Variants in KLKB1 observed in about 807,000 individuals in gnomAD.
The protein encoded by KLKB1 is plasma kallikrein.
In KLKB1, 58 loss-of-function variants were observed where a neutral mutation model predicts 73.6. The ratio of observed to expected loss-of-function variants is 0.79; its 90% CI spans 0.64 to 0.98. The LOEUF (loss-of-function observed/expected upper bound fraction) is 0.98, where lower values mean the gene tolerates loss of function less well. KLKB1 is among the 50% of genes least tolerant of loss of function. The probability of loss-of-function intolerance (pLI) is 0.00; values close to 1 mark genes in which losing one functional copy is unlikely to be tolerated. For synonymous variants in KLKB1, 280 were observed against 258.1 expected (o/e 1.08, Z -0.81); for missense variants, 737 against 763.8 (o/e 0.96, Z 0.41).
At chr4:186,225,585 C>A (rs1737140730), upstream of KLKB1, among the ~76,000 whole-genome samples, 1 of 151,902 alleles carries the variant, frequency 6.6e-6, no homozygotes, top group South Asian at 2.1e-4. Flanking sequence ...GTGCCCACCA[C>A]CACGCCTGGC....
At chr4:186,249,481 T>G (rs1738553520) in intron 6 of KLKB1, among the ~76,000 whole-genome samples, 1 of 152,216 alleles carries the variant, frequency 6.6e-6, no homozygotes, top group Non-Finnish European at 1.5e-5. Context: ...TATATGCCTA[T>G]CCTAATGCCA....
intron 4 of KLKB1, 25 bp downstream of exon 4, chr4:186,234,083 A>G: frequency 2.6e-6 from 4 of 1,522,630 alleles, no homozygotes; most frequent in Non-Finnish European, 3.6e-6. Flanking sequence ...TCTTAGCTAC[A>G]TTTGAGTTAA....
In KLKB1 at chr4:186,220,835, A is replaced by T. The variant is rs189323551; in HGVS notation, c.202-11292A>T. Among the ~76,000 whole-genome samples the T allele has an allele frequency of 3.5e-3, 463 of 133,922 alleles. 3 individuals carry two copies. Among genetic ancestry groups the T allele is most frequent in the African/African-American group, 0.013 (436 of 34,298 alleles). The allele number at this position is 133,922 out of a possible 152,430, so 87.9% of individuals were successfully genotyped here. On this transcript the variant is annotated intron_variant, in intron 2 of 14. Coordinates refer to the KLKB1 transcript ENST00000511608. ...AGTAATGCTGGCCTCATTAAATGAGATTGGAAGTGTTTCCTCCTTTTCAAT... is the reference window on the plus strand; with the variant it reads ...AGTAATGCTGGCCTCATTAAATGAGTTTGGAAGTGTTTCCTCCTTTTCAAT...
At chr4:186,232,445 C>T (rs1321800278) in intron 3 of KLKB1, among the ~76,000 whole-genome samples, 156 bp downstream of exon 3, 1 of 152,212 alleles carries the variant, frequency 6.6e-6, no homozygotes, top group Non-Finnish European at 1.5e-5. Flanking sequence ...AATGCAGATT[C>T]CTAGGCCACA....
chr4:186,250,297 G>T lies in KLKB1; in HGVS notation c.653G>T (p.Arg218Met). The change falls in exon 7 of 15, where the codon AGG becomes ATG. Residue 218 changes from arginine to methionine, a missense_variant. Coordinates refer to ENST00000264690, the MANE Select transcript of KLKB1 (RefSeq NM_000892.5). ...GCGTTCTCAGATGTGGATGTTGCCA[G>T]GGTTCTCACTCCAGATGCTTTTGTG... ...HLAFSDVDVA[R>M]VLTPDAFVCR... is the part of the protein sequence containing the mutation. 1.2e-6 allele frequency: 2 copies of T among 1,614,132 alleles called. No homozygotes were observed. Among genetic ancestry groups the T allele is most frequent in the Middle Eastern group, 1.6e-4 (1 of 6,062 alleles).
intron 6 of KLKB1, among the ~76,000 whole-genome samples, chr4:186,249,283 T>G (rs932398572): frequency 1.9e-4 from 29 of 152,232 alleles, no homozygotes; most frequent in African/African-American, 6.5e-4. Flanking sequence ...GTTTATAGTT[T>G]TAGCTCTTAC....
chr4:186,234,986 T>C (rs1052460734), intron 4 of KLKB1, among the ~76,000 whole-genome samples: 6 of 152,240 alleles, frequency 3.9e-5, no homozygotes, highest in African/African-American at 1.4e-4. Context: ...TTCAGATGTT[T>C]TTAAATTTGT....
intron 3 of KLKB1, among the ~76,000 whole-genome samples, chr4:186,233,103 C>T (rs184929095): frequency 5.8e-5 from 6 of 103,686 alleles, no homozygotes; most frequent in Admixed American, 2.0e-4. Flanking sequence ...TTAGTAGAGA[C>T]GGGGTTTCAC....
chr4:186,224,152 T>C (rs1325090436), upstream of KLKB1, among the ~76,000 whole-genome samples: 3 of 152,242 alleles, frequency 2.0e-5, no homozygotes, highest in Non-Finnish European at 1.5e-5. Context: ...TTTCACAGGA[T>C]GTGTGGAAAC....
At chr4:186,254,517 G>T in intron 11 of KLKB1, 71 bp from the exon 12 acceptor site, 1 of 1,237,660 alleles carries the variant, frequency 8.1e-7, no homozygotes. Flanking sequence ...GAAAGAGAGT[G>T]ATAGGAAAAA....
intron 11 of KLKB1, among the ~76,000 whole-genome samples, chr4:186,253,472 C>G (rs1738818656): frequency 6.6e-6 from 1 of 152,066 alleles, no homozygotes; most frequent in Admixed American, 6.6e-5. Flanking sequence ...AAGAAAAGTC[C>G]CAAGATGGGA....
At chr4:186,257,916 G>A in intron 14 of KLKB1, 105 bp from the exon 15 acceptor site, 1 of 979,054 alleles carries the variant, frequency 1.0e-6, no homozygotes, top group East Asian at 2.4e-5. Context: ...AAGTATCTGT[G>A]TGTGTGTGTT....
chr4:186,256,406 C>T (rs1473800713), intron 13 of KLKB1, among the ~76,000 whole-genome samples: 1 of 152,164 alleles, frequency 6.6e-6, no homozygotes, highest in Non-Finnish European at 1.5e-5. Flanking sequence ...TAGTAGCGTT[C>T]CCGTCTCCCA....
chr4:186,233,660 T>A (rs746495332), intron 3 of KLKB1, among the ~76,000 whole-genome samples: 2 of 152,314 alleles, frequency 1.3e-5, no homozygotes, highest in South Asian at 4.1e-4. Context: ...TAATTACCAA[T>A]TGAGAACATA....
Position 186,251,199 on chromosome 4 carries a change from CT to C in KLKB1, c.759-12del, listed in dbSNP as rs3214676. 6.7e-6 allele frequency: 10 copies of C among 1,496,464 alleles called. No individual in the cohort carries two copies. The highest frequency in any genetic ancestry group is 1.7e-5 in the Admixed American group (1 of 59,022). 92.7% of individuals were successfully genotyped at this position (1,496,464 alleles called of 1,614,324 possible). A position where few individuals can be genotyped will look rare whatever the true frequency, so the allele number is the denominator to read the frequency against. ...TGCAAATTTCTTTCTTTCTCTCTTG[CT>C]TTTTTTTAAAAAAAATAGAAATGTT... is the stretch of plus-strand genomic sequence containing the variant. On this transcript the variant is annotated intron_variant, in intron 7 of 14. Transcript: ENST00000264690.
upstream of KLKB1, among the ~76,000 whole-genome samples, chr4:186,222,973 T>C (rs1737063012): frequency 6.6e-6 from 1 of 152,134 alleles, no homozygotes; most frequent in African/African-American, 2.4e-5. Flanking sequence ...CACGAGGTGT[T>C]TTCCCCCATT....
At chr4:186,246,252 G>C (rs1272292506) in intron 6 of KLKB1, among the ~76,000 whole-genome samples, 2 of 151,906 alleles carry the variant, frequency 1.3e-5, no homozygotes, top group African/African-American at 2.4e-5. Flanking sequence ...AGGTCAGATG[G>C]GTCCATAGAA....
At chr4:186,232,713 G>A (rs977147756) in intron 3 of KLKB1, among the ~76,000 whole-genome samples, 23 of 152,268 alleles carry the variant, frequency 1.5e-4, no homozygotes, top group African/African-American at 5.1e-4. Flanking sequence ...CATAAGACAA[G>A]CATTTTGCTG....
In KLKB1 at chr4:186,251,294, A is replaced by T. The variant is rs780311603; in HGVS notation, c.834A>T (p.Gly278=). Reference sequence around the variant, plus strand: ...CTCCTCAAGAAAACACCATATCTGGATATAGCCTTTTAACCTGCAAAAGAA... The same window carrying T: ...CTCCTCAAGAAAACACCATATCTGGTTATAGCCTTTTAACCTGCAAAAGAA... ...SSTPQENTIS[G]YSLLTCKRTL... Residue 278 remains glycine (G), a synonymous_variant, in exon 8 of 15, where the codon GGA becomes GGT. Coordinates refer to ENST00000264690, the MANE Select transcript of KLKB1 (RefSeq NM_000892.5). The T allele has an allele frequency of 6.2e-7, 1 of 1,611,316 alleles. No individual in the cohort carries two copies. Among genetic ancestry groups the T allele is most frequent in the South Asian group, 1.1e-5 (1 of 91,000 alleles).
Sources: gnomAD v4.1 joint callset for allele counts (sites outside exome capture counted in the v4.1 genomes callset) on GRCh38, gnomAD v4.1.1 for gene constraint, MANE v1.5 for transcripts, NCBI Gene and HGNC (gene_info 2026-07-23, HGNC 2026-07-21) for gene names.